Variants in SLK observed in about 807,000 individuals in gnomAD.
The protein encoded by SLK is STE20 like kinase, also known as STE20-like serine/threonine-protein kinase.
Under a neutral mutation model 147.7 loss-of-function variants are expected in SLK, and 67 were observed. The ratio of observed to expected loss-of-function variants is 0.45; its 90% CI spans 0.37 to 0.56. The LOEUF (loss-of-function observed/expected upper bound fraction) is 0.56, where lower values mean the gene tolerates loss of function less well. Ranked by LOEUF, SLK falls within the 20% of genes least tolerant of loss-of-function variation. The probability of loss-of-function intolerance (pLI) is 0.00; values close to 1 mark genes in which losing one functional copy is unlikely to be tolerated. For missense variants in SLK, 1,136 were observed against 1,438.8 expected (o/e 0.79, Z 3.41); for synonymous variants, 441 against 475.0 (o/e 0.93, Z 0.93).
rs778848516 is a variant in SLK at position 104,002,892 on chromosome 10, A to G, written c.1714A>G (p.Asn572Asp). The G allele has an allele frequency of 3.7e-6, 6 of 1,614,164 alleles. No homozygotes were observed. The Admixed American group carries it at 1.0e-4, about 27-fold the overall frequency. ...DEDSAEDTQS[N>D]DGKEVVEVGQ... ...AGACAGTGCTGAGGATACGCAGAGT[A>G]ATGATGGGAAAGAAGTGGTCGAAGT... Residue 572 changes from asparagine (N) to aspartate (D), a missense_variant, in exon 9 of 19, where the codon AAT (asparagine) becomes GAT (aspartate). Coordinates refer to ENST00000369755, the MANE Select transcript of SLK (RefSeq NM_014720.4).
At position 104,008,309 on chromosome 10, in the gene SLK, A is replaced by C; in HGVS notation, c.2737A>C (p.Lys913Gln). ...EAKRIKGEQE[K>Q]ELSKFQNMLK... is the part of the protein sequence containing the mutation. ...CAAACGCATCAAAGGAGAACAAGAGAAAGAGTTGTCCAAATTTCAGAATAT... is the reference window on the plus strand; with the variant it reads ...CAAACGCATCAAAGGAGAACAAGAGCAAGAGTTGTCCAAATTTCAGAATAT... Residue 913 changes from lysine to glutamine, a missense_variant, in exon 12 of 19, where the codon AAA becomes CAA. This residue lies in a region of SLK where 327 missense variants were observed against 457.5 expected (regional missense o/e 0.71). Coordinates refer to ENST00000369755, the MANE Select transcript of SLK (RefSeq NM_014720.4). 1 of 1,613,618 alleles carries C rather than the reference A, an allele frequency of 6.2e-7. No homozygotes were observed. The highest frequency in any genetic ancestry group is 8.5e-7 in the Non-Finnish European group (1 of 1,179,760).
At chr10:104,015,800 C>T (rs1490179019) in intron 13 of SLK, among the ~76,000 whole-genome samples, 1 of 152,062 alleles carries the variant, frequency 6.6e-6, no homozygotes, top group Non-Finnish European at 1.5e-5. Flanking sequence ...TTTTTATTTT[C>T]CCATAAGTAT....
chr10:104,021,561 AT>A, intron 17 of SLK, 58 bp from the exon 18 acceptor site: 1 of 846,200 alleles, frequency 1.2e-6, no homozygotes, highest in Non-Finnish European at 2.0e-6. Context: ...AGATAATTGT[AT>A]TTGTGAAAAA....
chr10:103,998,157 A>G (rs1035436437), intron 4 of SLK, among the ~76,000 whole-genome samples: 7 of 152,204 alleles, frequency 4.6e-5, no homozygotes, highest in Non-Finnish European at 1.0e-4. Context: ...AGAATTGTGA[A>G]TATGGCTAAT....
rs572945222 is a variant in SLK, at chr10:103,974,003, G to A, written c.150+6108G>A. ...TGCCATTTGGCTTCCTGGATCCTTTGCCATCTTTTTCTCTTAATAGCCTTT... is the reference window on the plus strand; with the variant it reads ...TGCCATTTGGCTTCCTGGATCCTTTACCATCTTTTTCTCTTAATAGCCTTT... On this transcript the variant is annotated intron_variant, in intron 1 of 18. Coordinates refer to ENST00000369755, the MANE Select transcript of SLK (RefSeq NM_014720.4). Among the ~76,000 whole-genome samples, 4 of 152,242 alleles carry A rather than the reference G, an allele frequency of 2.6e-5. No individual in the cohort carries two copies. In the East Asian group the frequency reaches 5.8e-4, roughly 22 times the overall value.
chr10:104,009,198 A>AT lies in SLK; in HGVS notation c.2784+845dup, dbSNP rs201314353. Among the ~76,000 whole-genome samples, 59 of 152,242 alleles carry AT rather than the reference A, an allele frequency of 3.9e-4. No individual in the cohort carries two copies. In the East Asian group the frequency reaches 0.011, roughly 29 times the overall value. ...TTAACATCTTCAGTATAGGAAGACG[A>AT]TTTGCCTTTTCATGATATAAAAGAC... On this transcript the variant is annotated intron_variant, in intron 12 of 18. Coordinates refer to ENST00000369755, the MANE Select transcript of SLK (RefSeq NM_014720.4).
chr10:103,995,221 A>G lies in SLK; in HGVS notation c.514+2088A>G, dbSNP rs555105294. On this transcript the variant is annotated intron_variant, in intron 4 of 18. Transcript: ENST00000369755. ...ATTTTATTTGGTTGGTTTCAAATCC[A>G]TTGCAGTTTTTATTCTTATTGAAGC... is the stretch of plus-strand genomic sequence containing the variant. 2.0e-5 allele frequency among the ~76,000 whole-genome samples: 3 copies of G among 152,088 alleles called. No homozygotes were observed. In the East Asian group the frequency reaches 5.8e-4, roughly 29 times the overall value.
In SLK at chr10:104,002,850, G is replaced by T. The variant is rs751277320; in HGVS notation, c.1672G>T (p.Ala558Ser). 1 of 1,613,914 alleles carries T rather than the reference G, an allele frequency of 6.2e-7. No individual in the cohort carries two copies. The highest frequency in any genetic ancestry group is 1.7e-5 in the Admixed American group (1 of 59,992). ...VIGTCEAADV[A>S]QKVDEDSAED... is the part of the protein sequence containing the mutation. ...AGGAACATGTGAGGCAGCAGATGTG[G>T]CTCAGAAAGTGGATGAAGACAGTGC... The change falls in exon 9 of 19, where the codon GCT becomes TCT. Residue 558 changes from alanine to serine, a missense_variant. By Grantham distance (99) the Ala-to-Ser change is moderately conservative (BLOSUM62 1). This residue lies in a region of SLK where 516 missense variants were observed against 531.3 expected (regional missense o/e 0.97). Coordinates refer to ENST00000369755, the MANE Select transcript of SLK (RefSeq NM_014720.4).
intron 1 of SLK, among the ~76,000 whole-genome samples, chr10:103,982,290 A>G (rs1390610902): frequency 6.6e-6 from 1 of 152,096 alleles, no homozygotes; most frequent in Non-Finnish European, 1.5e-5. Flanking sequence ...CTGCATATTC[A>G]TGCTGCTCAG....
chr10:103,995,484 G>A (rs1226529528), intron 4 of SLK, among the ~76,000 whole-genome samples: 1 of 138,144 alleles, frequency 7.2e-6, no homozygotes, highest in Non-Finnish European at 1.5e-5. Flanking sequence ...TTGGAGTGCA[G>A]TGGCTGATCT....
chr10:104,005,501 A>G, intron 9 of SLK, 60 bp from the exon 10 acceptor site: 1 of 1,471,848 alleles, frequency 6.8e-7, no homozygotes, highest in Non-Finnish European at 9.2e-7. Flanking sequence ...GGAAGAAGAA[A>G]ATGTTTTCTA....
rs200721101 is a variant in SLK, at chr10:103,973,235, A to AT, written c.150+5347dup. On this transcript the variant is annotated intron_variant, in intron 1 of 18. Coordinates refer to ENST00000369755, the MANE Select transcript of SLK (RefSeq NM_014720.4). ...TGGTATGAGGTAGGGGTCCAGTTTCATTTTTTTCCCCATATGGATACACAA... is the reference window on the plus strand; with the variant it reads ...TGGTATGAGGTAGGGGTCCAGTTTCATTTTTTTTCCCCATATGGATACACAA... Among the ~76,000 whole-genome samples, 732 of 152,184 alleles carry AT rather than the reference A, an allele frequency of 4.8e-3. 4 individuals carry two copies. Among genetic ancestry groups the AT allele is most frequent in the Non-Finnish European group, 7.6e-3 (514 of 67,982 alleles).
intron 9 of SLK, among the ~76,000 whole-genome samples, chr10:104,004,319 C>T (rs1844296052): frequency 6.6e-6 from 1 of 152,088 alleles, no homozygotes; most frequent in Admixed American, 6.5e-5. Flanking sequence ...CTTCTTTTTT[C>T]AGTTTACTTT....
At chr10:103,982,761 A>G (rs1275700826) in intron 1 of SLK, among the ~76,000 whole-genome samples, 8 of 152,240 alleles carry the variant, frequency 5.3e-5, no homozygotes, top group African/African-American at 1.9e-4. Context: ...TAGCAAGCAC[A>G]TTCCCAGCTA....
intron 14 of SLK, 152 bp downstream of exon 14, chr10:104,018,441 G>T: frequency 1.4e-6 from 1 of 714,484 alleles, no homozygotes; most frequent in Non-Finnish European, 2.3e-6. Context: ...ATGCCTTATA[G>T]TTGTTAGTAT....
chr10:104,003,455 C>T lies in SLK; in HGVS notation c.2277C>T (p.Ser759=), dbSNP rs758948733. ...DSGTGSTADT[S]SIDLNLSISS... ...GCACTGGTTCCACTGCTGATACTAG[C>T]AGTATTGACTTGAATTTATCCATCT... Residue 759 remains serine, a synonymous_variant, in exon 9 of 19, where the codon AGC becomes AGT. Coordinates refer to ENST00000369755, the MANE Select transcript of SLK (RefSeq NM_014720.4). 2.5e-6 allele frequency: 4 copies of T among 1,611,888 alleles called. No homozygotes were observed. The highest frequency in any genetic ancestry group is 3.4e-6 in the Non-Finnish European group (4 of 1,178,652).
At chr10:104,017,678 C>A (rs1366280160) in intron 13 of SLK, among the ~76,000 whole-genome samples, 1 of 152,184 alleles carries the variant, frequency 6.6e-6, no homozygotes, top group East Asian at 1.9e-4. Context: ...TGGGGTTTCA[C>A]CATGTTGGCC....
At chr10:103,977,001 C>A (rs967021559) in intron 1 of SLK, among the ~76,000 whole-genome samples, 1 of 152,200 alleles carries the variant, frequency 6.6e-6, no homozygotes, top group Non-Finnish European at 1.5e-5. Context: ...CCCTTTGTGA[C>A]AACCTAAAAT....
intron 1 of SLK, chr10:103,974,477 T>C (rs1336190872): frequency 2.1e-5 from 3 of 143,016 alleles, no homozygotes; most frequent in Non-Finnish European, 4.6e-5. Flanking sequence ...TAGCCGGGCG[T>C]GATGGCGGGC....
Sources: gnomAD v4.1 joint callset for allele counts (sites outside exome capture counted in the v4.1 genomes callset) on GRCh38, gnomAD v4.1.1 for gene constraint, gnomAD v4.1.1 regional missense constraint, MANE v1.5 for transcripts, NCBI Gene and HGNC (gene_info 2026-07-23, HGNC 2026-07-21) for gene names.